The following DPP10 variants were observed in gnomAD, a reference collection of about 807,000 sequenced individuals.
DPP10 encodes the protein inactive dipeptidyl peptidase 10.
A neutral mutation model predicts 120.9 loss-of-function variants in DPP10; 33 were observed. The observed-to-expected ratio is 0.27, with a 90% confidence interval of 0.21 to 0.37. The LOEUF is 0.37. Ranked by LOEUF, DPP10 falls within the 10% of genes least tolerant of loss-of-function variation. The pLI, the probability that DPP10 is intolerant of heterozygous loss-of-function variation, is 1.00. For missense variants in DPP10, 816 were observed against 942.8 expected (o/e 0.87, Z 1.76); for synonymous variants, 337 against 326.1 (o/e 1.03, Z -0.36).
At chr2:114,814,049 AAT>A (rs1685416971) in intron 1 of DPP10, among the ~76,000 whole-genome samples, 1 of 151,910 alleles carries the variant, frequency 6.6e-6, no homozygotes, top group Non-Finnish European at 1.5e-5. Flanking sequence ...CATTTTAGTA[AAT>A]CAGATAATCA....
At chr2:115,154,739 C>T (rs543113674) in intron 1 of DPP10, among the ~76,000 whole-genome samples, 1 of 151,912 alleles carries the variant, frequency 6.6e-6, no homozygotes, top group African/African-American at 2.4e-5. Context: ...CCCACCACCC[C>T]CTGAGCACAC....
At position 115,702,840 on chromosome 2, in the gene DPP10, C is replaced by A. The variant is rs145619017; in HGVS notation, c.576+12919C>A. 2.8e-4 allele frequency among the ~76,000 whole-genome samples: 42 copies of A among 152,122 alleles called. 1 individual carries two copies. The East Asian group carries it at 7.9e-3, about 29-fold the overall frequency. On this transcript the variant is annotated intron_variant, in intron 7 of 25. Coordinates refer to ENST00000410059, the MANE Select transcript of DPP10 (RefSeq NM_020868.6). ...TAAATCTGTAATTTTTAATGGGTGACTTGTTTGGTATGTGAAGAATAGGTG... is the reference window on the plus strand; with the variant it reads ...TAAATCTGTAATTTTTAATGGGTGAATTGTTTGGTATGTGAAGAATAGGTG...
intron 1 of DPP10, among the ~76,000 whole-genome samples, chr2:114,577,653 C>T (rs1309682369): frequency 6.6e-6 from 1 of 152,196 alleles, no homozygotes; most frequent in Non-Finnish European, 1.5e-5. Flanking sequence ...AAACCACACT[C>T]TGGGTGGCTT....
At chr2:114,989,202 T>C (rs911577005) in intron 1 of DPP10, among the ~76,000 whole-genome samples, 4 of 152,272 alleles carry the variant, frequency 2.6e-5, no homozygotes, top group African/African-American at 9.6e-5. Context: ...TTTGAGCTAT[T>C]GTTGTTTGAG....
At chr2:114,748,039 T>G (rs1247706191) in intron 1 of DPP10, among the ~76,000 whole-genome samples, 1 of 152,186 alleles carries the variant, frequency 6.6e-6, no homozygotes, top group East Asian at 1.9e-4. Context: ...ATTTTATGAC[T>G]TGAATCCAGT....
At chr2:115,335,292 A>T (rs1439005796) in intron 2 of DPP10, among the ~76,000 whole-genome samples, 1 of 152,076 alleles carries the variant, frequency 6.6e-6, no homozygotes, top group Non-Finnish European at 1.5e-5. Flanking sequence ...GGGTAGGGAC[A>T]TAGCCAAACC....
chr2:115,000,624 G>A (rs1293369998), intron 1 of DPP10, among the ~76,000 whole-genome samples: 1 of 152,092 alleles, frequency 6.6e-6, no homozygotes, highest in East Asian at 1.9e-4. Flanking sequence ...TGCTCTATAA[G>A]TAGCTCTTCA....
At chr2:114,562,801 G>T (rs1688874393) in intron 1 of DPP10, among the ~76,000 whole-genome samples, 1 of 152,132 alleles carries the variant, frequency 6.6e-6, no homozygotes, top group Non-Finnish European at 1.5e-5. Flanking sequence ...GACATCATGT[G>T]CTTAAGTATA....
intron 1 of DPP10, among the ~76,000 whole-genome samples, chr2:114,998,116 T>C (rs1396920): frequency 0.98 from 148,713 of 152,246 alleles, 72,731 homozygotes; most frequent in Middle Eastern, 1. Context: ...TACACTTATT[T>C]GCACATAAGT....
chr2:115,484,683 A>G (rs1415988281), intron 3 of DPP10, among the ~76,000 whole-genome samples: 1 of 152,082 alleles, frequency 6.6e-6, no homozygotes, highest in Non-Finnish European at 1.5e-5. Context: ...CTATGGTAAG[A>G]TATTAGTCAT....
At chr2:115,061,395 G>C (rs969526400) in intron 1 of DPP10, among the ~76,000 whole-genome samples, 1 of 152,076 alleles carries the variant, frequency 6.6e-6, no homozygotes, top group African/African-American at 2.4e-5. Flanking sequence ...TATTCTTTGT[G>C]ATGGAAAAGG....
intron 1 of DPP10, among the ~76,000 whole-genome samples, chr2:115,273,394 T>C (rs1357269355): frequency 6.6e-6 from 1 of 152,098 alleles, no homozygotes. Context: ...CAGGCTGGAG[T>C]GCAGTGATCT....
chr2:114,959,630 A>C (rs941123265), intron 1 of DPP10, among the ~76,000 whole-genome samples: 1 of 152,188 alleles, frequency 6.6e-6, no homozygotes, highest in Non-Finnish European at 1.5e-5. Context: ...TCTATTGTTT[A>C]ACATGTTAAG....
At chr2:114,746,270 C>T (rs1387818241) in intron 1 of DPP10, among the ~76,000 whole-genome samples, 4 of 152,172 alleles carry the variant, frequency 2.6e-5, no homozygotes, top group Non-Finnish European at 4.4e-5. Context: ...CATAGTGACA[C>T]TTTGCTCAAT....
intron 3 of DPP10, among the ~76,000 whole-genome samples, chr2:115,374,467 G>A (rs961606863): frequency 6.6e-6 from 1 of 152,158 alleles, no homozygotes; most frequent in African/African-American, 2.4e-5. Flanking sequence ...GGTGCATGGT[G>A]CGTGCTGTTG....
At chr2:114,461,350 T>C (rs1678904038) in intron 1 of DPP10, among the ~76,000 whole-genome samples, 1 of 152,168 alleles carries the variant, frequency 6.6e-6, no homozygotes, top group African/African-American at 2.4e-5. Flanking sequence ...TTGAGCCATC[T>C]TTGTTGCAGG....
At chr2:114,908,593 GCTA>G in intron 1 of DPP10, among the ~76,000 whole-genome samples, 1 of 151,598 alleles carries the variant, frequency 6.6e-6, no homozygotes, top group South Asian at 2.1e-4. Flanking sequence ...TTCTTTTTGT[GCTA>G]CTATTGAATA....
chr2:115,833,425 C>T (rs946462970), intron 21 of DPP10, among the ~76,000 whole-genome samples: 9 of 152,132 alleles, frequency 5.9e-5, no homozygotes, highest in African/African-American at 2.2e-4. Flanking sequence ...CAACACCCTT[C>T]GCCCATCTTT....
At chr2:115,430,419 A>T (rs2070865327) in intron 3 of DPP10, among the ~76,000 whole-genome samples, 1 of 152,186 alleles carries the variant, frequency 6.6e-6, no homozygotes, top group South Asian at 2.1e-4. Flanking sequence ...TTATCTGTGA[A>T]TGTATCATAG....
Sources: gnomAD v4.1 joint callset for allele counts (sites outside exome capture counted in the v4.1 genomes callset) on GRCh38, gnomAD v4.1.1 for gene constraint, MANE v1.5 for transcripts, NCBI Gene and HGNC (gene_info 2026-07-23, HGNC 2026-07-21) for gene names.